The following TAF7L variants were observed in gnomAD, a reference collection of about 807,000 sequenced individuals.
The protein encoded by TAF7L is transcription initiation factor TFIID subunit 7-like.
A neutral mutation model predicts 30.2 loss-of-function variants in TAF7L; 6 were observed. The observed-to-expected ratio is 0.20, with a 90% confidence interval of 0.11 to 0.39. The LOEUF (loss-of-function observed/expected upper bound fraction) is 0.39. Ranked by LOEUF, TAF7L falls within the 10% of genes least tolerant of loss-of-function variation. TAF7L has a pLI of 1.00. For missense variants in TAF7L, 284 were observed against 277.1 expected (o/e 1.03, Z -0.18); for synonymous variants, 93 against 94.5 (o/e 0.98, Z 0.09).
upstream of TAF7L, among the ~76,000 whole-genome samples, chrX:101,292,393 C>T (rs1456148455): frequency 2.1e-5 from 2 of 94,397 alleles, no homozygotes; most frequent in African/African-American, 4.0e-5. Flanking sequence ...GAGCCGAGAT[C>T]GTGCCACTGC....
chrX:101,292,529 C>A (rs1216482532), upstream of TAF7L, among the ~76,000 whole-genome samples: 1 of 107,487 alleles, frequency 9.3e-6, no homozygotes, highest in African/African-American at 3.4e-5. Flanking sequence ...GGCACGGTGA[C>A]CTCGCCTAGT....
chrX:101,292,818 C>T (rs1472938419), upstream of TAF7L: 1 of 1,210,522 alleles, frequency 8.3e-7, no homozygotes, highest in South Asian at 1.8e-5. Context: ...TTTCTGGGGC[C>T]TGGGCAGCAG....
chrX:101,281,768 T>C lies in TAF7L; in HGVS notation c.414A>G (p.Pro138=). ...TTTTCTTTCTGACATTCTTAAGTGG[T>C]GGCGTAACTAAAATAAATACAACAC... ...EKCVWKHGIT[P]PLKNVRKKRF... The change falls in exon 6 of 13, where the codon CCA becomes CCG. Residue 138 remains proline, a synonymous_variant. Coordinates refer to ENST00000356784, the MANE Select transcript of TAF7L (RefSeq NM_001168474.2). The C allele has an allele frequency of 8.3e-7, 1 of 1,209,232 alleles. No homozygotes were observed.
At chrX:101,279,548 G>A in intron 6 of TAF7L, among the ~76,000 whole-genome samples, 1 of 111,438 alleles carries the variant, frequency 9.0e-6, no homozygotes, top group Middle Eastern at 4.6e-3. Context: ...TTGAACCCGG[G>A]AGGCAGAGAC....
chrX:101,272,480 T>C (rs990388762), intron 12 of TAF7L, among the ~76,000 whole-genome samples: 1 of 111,650 alleles, frequency 9.0e-6, no homozygotes, highest in Non-Finnish European at 1.9e-5. Flanking sequence ...ATACATGCCA[T>C]AACATGGATG....
At chrX:101,274,587 T>C (rs1258154299) in intron 12 of TAF7L, among the ~76,000 whole-genome samples, 1 of 111,237 alleles carries the variant, frequency 9.0e-6, no homozygotes, top group Non-Finnish European at 1.9e-5. Context: ...TGTCCCAGTC[T>C]GAGTGAGTGT....
At chrX:101,280,004 A>G (rs995948570) in intron 6 of TAF7L, among the ~76,000 whole-genome samples, 1 of 109,316 alleles carries the variant, frequency 9.1e-6, no homozygotes, top group African/African-American at 3.3e-5. Flanking sequence ...CATAGCTTTT[A>G]CAAAAATTAA....
intron 12 of TAF7L, among the ~76,000 whole-genome samples, chrX:101,271,343 C>T (rs1432976859): frequency 9.0e-6 from 1 of 111,670 alleles, no homozygotes; most frequent in Non-Finnish European, 1.9e-5. Context: ...AACATACTTA[C>T]ACCAACCTAG....
In TAF7L at chrX:101,277,729, G is replaced by A; in HGVS notation, c.578-10C>T. ...GCAATGACTTCCCAACCTGAAAGGA[G>A]TGGGTAGTCAAGGAAAACACAGAAG... On this transcript the variant is annotated splice_polypyrimidine_tract_variant and intron_variant, in intron 8 of 12. Transcript: ENST00000356784. 1 of 1,131,177 alleles carries A rather than the reference G, an allele frequency of 8.8e-7. No individual in the cohort carries two copies. Among genetic ancestry groups the A allele is most frequent in the Non-Finnish European group, 1.2e-6 (1 of 828,514 alleles). The allele number at this position is 1,131,177 out of a possible 1,213,427, so 93.2% of individuals were successfully genotyped here. A position where few individuals can be genotyped will look rare whatever the true frequency, so the allele number is the denominator to read the frequency against.
chrX:101,291,183 G>A, intron 1 of TAF7L, 41 bp downstream of exon 1: 3 of 659,030 alleles, frequency 4.6e-6, no homozygotes, highest in Non-Finnish European at 5.4e-6. Flanking sequence ...CTGGCGGGGC[G>A]CTGACCCGGT....
At chrX:101,273,295 A>G (rs1020376717) in intron 12 of TAF7L, among the ~76,000 whole-genome samples, 12 of 111,367 alleles carry the variant, frequency 1.1e-4, no homozygotes, top group African/African-American at 3.9e-4. Flanking sequence ...TAACCTTTTA[A>G]AAGTTTAAAT....
At chrX:101,274,655 G>A (rs1924098615) in intron 12 of TAF7L, among the ~76,000 whole-genome samples, 1 of 111,348 alleles carries the variant, frequency 9.0e-6, no homozygotes, top group Non-Finnish European at 1.9e-5. Context: ...ATCCAAGGCT[G>A]GTTCCTACCT....
chrX:101,292,238 C>CAAAAAAAAAA (rs776702288), upstream of TAF7L, among the ~76,000 whole-genome samples: 1 of 45,299 alleles, frequency 2.2e-5, no homozygotes, highest in African/African-American at 1.1e-4. Context: ...GACTCCGTCT[C>CAAAAAAAAAA]AAAAAAAAAA....
intron 1 of TAF7L, among the ~76,000 whole-genome samples, chrX:101,289,432 T>C (rs1235798692): frequency 8.9e-6 from 1 of 112,021 alleles, no homozygotes; most frequent in East Asian, 2.8e-4. Flanking sequence ...ATCCCAAGTT[T>C]TTATTTTATT....
upstream of TAF7L, among the ~76,000 whole-genome samples, chrX:101,292,079 A>C (rs1375610897): frequency 9.7e-5 from 10 of 103,181 alleles, no homozygotes; most frequent in Middle Eastern, 4.9e-3. Flanking sequence ...CTCTACTAAA[A>C]ATACAAAAAA....
chrX:101,289,886 G>C (rs1429568149), intron 1 of TAF7L, among the ~76,000 whole-genome samples: 1 of 109,534 alleles, frequency 9.1e-6, no homozygotes, highest in Non-Finnish European at 1.9e-5. Context: ...ACTGTGCCCA[G>C]CCAGGCCCAC....
intron 12 of TAF7L, among the ~76,000 whole-genome samples, chrX:101,274,424 C>A (rs1924089922): frequency 9.0e-6 from 1 of 110,938 alleles, no homozygotes; most frequent in African/African-American, 3.3e-5. Flanking sequence ...TCAGATTGGT[C>A]TCAAACTCCT....
Position 101,268,937 on chromosome X carries a change from A to G in TAF7L, c.*256T>C. 4 of 271,003 alleles carry G rather than the reference A, an allele frequency of 1.5e-5. No homozygotes were observed. The Middle Eastern group carries it at 2.7e-3, about 181-fold the overall frequency. 22.3% of individuals were successfully genotyped at this position (271,003 alleles called of 1,213,427 possible). ...CAACATAACAAGACCCCATTTCTAAATTAATAATAATAATTCCCAAATTGA... is the reference window on the plus strand; with the variant it reads ...CAACATAACAAGACCCCATTTCTAAGTTAATAATAATAATTCCCAAATTGA... On this transcript the variant is annotated 3_prime_UTR_variant, in exon 13 of 13. Transcript: ENST00000356784.
chrX:101,292,232 C>T, upstream of TAF7L, among the ~76,000 whole-genome samples: 1 of 72,017 alleles, frequency 1.4e-5, no homozygotes, highest in African/African-American at 6.3e-5. Context: ...GAGCGAGACT[C>T]CGTCTCAAAA....
Sources: gnomAD v4.1 joint callset for allele counts (sites outside exome capture counted in the v4.1 genomes callset) on GRCh38, gnomAD v4.1.1 for gene constraint, MANE v1.5 for transcripts, NCBI Gene and HGNC (gene_info 2026-07-23, HGNC 2026-07-21) for gene names.